Variants in LHFPL2 observed in about 807,000 individuals in gnomAD.
The protein encoded by LHFPL2 is LHFPL tetraspan subfamily member 2.
LHFPL2 carries 7 observed loss-of-function variants against 17.5 expected under a neutral mutation model. The ratio of observed to expected loss-of-function variants is 0.40; its 90% confidence interval spans 0.23 to 0.75. The LOEUF is 0.75. LHFPL2 is among the 30% of genes least tolerant of loss of function. The probability of loss-of-function intolerance (pLI) is 0.37; values close to 1 mark genes in which losing one functional copy is unlikely to be tolerated. For synonymous variants in LHFPL2, 134 were observed against 116.2 expected, an observed-to-expected ratio of 1.15 and a Z score of -0.99; for missense variants, 241 against 294.8, an observed-to-expected ratio of 0.82 and a Z score of 1.34.
rs149690287 is a variant in LHFPL2 at position 78,488,441 on chromosome 5, G to A, written c.*456C>T. 2.7e-3 allele frequency: 554 copies of A among 202,336 alleles called. 3 individuals carry two copies. The highest frequency in any genetic ancestry group is 0.012 in the African/African-American group (522 of 43,448). 12.5% of individuals were successfully genotyped at this position (202,336 alleles called of 1,614,324 possible). On this transcript the variant is annotated 3_prime_UTR_variant, in exon 5 of 5. Transcript: ENST00000380345. ...CCAGTAAGTTTATAGTTTTCTGTTC[G>A]TTGGAGACAACTTGAAAGAACAGAG... is the stretch of plus-strand genomic sequence containing the variant.
At chr5:78,501,161 C>A (rs1383580153) in intron 4 of LHFPL2, among the ~76,000 whole-genome samples, 1 of 151,986 alleles carries the variant, frequency 6.6e-6, no homozygotes, top group Non-Finnish European at 1.5e-5. Flanking sequence ...GTTGGGAGGG[C>A]AACATTTTTT....
chr5:78,604,287 G>T (rs927745761), intron 2 of LHFPL2, among the ~76,000 whole-genome samples: 2 of 149,560 alleles, frequency 1.3e-5, no homozygotes, highest in African/African-American at 5.0e-5. Flanking sequence ...ACACCAGCCT[G>T]GCCAACATGG....
intron 2 of LHFPL2, among the ~76,000 whole-genome samples, chr5:78,610,137 C>T (rs1267160551): frequency 6.6e-6 from 1 of 152,110 alleles, no homozygotes; most frequent in East Asian, 1.9e-4. Context: ...CAAGTCACCC[C>T]ACCCCAGGCA....
chr5:78,579,246 G>T (rs940388984), intron 2 of LHFPL2, among the ~76,000 whole-genome samples: 1 of 152,038 alleles, frequency 6.6e-6, no homozygotes, highest in Admixed American at 6.6e-5. Context: ...GAGGGAGGGG[G>T]AGCAGGAGAG....
At chr5:78,535,714 C>T (rs568167244) in intron 3 of LHFPL2, among the ~76,000 whole-genome samples, 1 of 152,316 alleles carries the variant, frequency 6.6e-6, no homozygotes, top group African/African-American at 2.4e-5. Flanking sequence ...CTCTGGAGCT[C>T]CTATCTAGCC....
chr5:78,645,540 G>GCATACA (rs200179016), intron 1 of LHFPL2, among the ~76,000 whole-genome samples: 7,165 of 86,110 alleles, frequency 0.083, 235 homozygotes, highest in Admixed American at 0.15. Flanking sequence ...ACAGACAGAT[G>GCATACA]CATACACACA....
intron 2 of LHFPL2, among the ~76,000 whole-genome samples, chr5:78,597,160 A>T (rs1164985291): frequency 2.0e-5 from 3 of 152,186 alleles, no homozygotes; most frequent in African/African-American, 7.2e-5. Context: ...GGTGCAGTGG[A>T]AACAGCCCAC....
In LHFPL2 at chr5:78,622,269, G is replaced by A. The variant is rs915405080; in HGVS notation, c.-245+9995C>T. Among the ~76,000 whole-genome samples, 19 of 152,102 alleles carry A rather than the reference G, an allele frequency of 1.2e-4. 1 individual carries two copies. The highest frequency in any genetic ancestry group is 1.2e-3 in the Admixed American group (18 of 15,268). The stretch of plus-strand genomic sequence containing the variant: ...AACGCTCTGAGCACCTTGGCTGAGG[G>A]GCAACAATTAGGGAGAAACTTTCAG... On this transcript the variant is annotated intron_variant, in intron 2 of 4. Coordinates refer to ENST00000380345, the MANE Select transcript of LHFPL2 (RefSeq NM_005779.3).
At chr5:78,559,847 A>AAGCC (rs1464352585) in intron 3 of LHFPL2, among the ~76,000 whole-genome samples, 1 of 152,232 alleles carries the variant, frequency 6.6e-6, no homozygotes, top group East Asian at 1.9e-4. Flanking sequence ...GTGCAAGGAA[A>AAGCC]AGCCACCTTT....
intron 4 of LHFPL2, among the ~76,000 whole-genome samples, chr5:78,493,623 A>G (rs1754517133): frequency 6.6e-6 from 1 of 152,200 alleles, no homozygotes. Context: ...TTTCTAAACC[A>G]TAGTGCCCAT....
chr5:78,584,995 G>GT (rs1163195083), intron 2 of LHFPL2, among the ~76,000 whole-genome samples: 1,402 of 40,522 alleles, frequency 0.035, 436 homozygotes, highest in Non-Finnish European at 0.047. Context: ...GGTGCGCTGT[G>GT]TTTTTTTTTT....
At chr5:78,640,883 T>G (rs1017183706) in intron 1 of LHFPL2, among the ~76,000 whole-genome samples, 1 of 152,178 alleles carries the variant, frequency 6.6e-6, no homozygotes, top group African/African-American at 2.4e-5. Context: ...TGGGGCCTGC[T>G]TGGCACACTC....
At chr5:78,499,138 T>C (rs1754695830) in intron 4 of LHFPL2, among the ~76,000 whole-genome samples, 1 of 152,184 alleles carries the variant, frequency 6.6e-6, no homozygotes, top group Non-Finnish European at 1.5e-5. Flanking sequence ...AGGTCTTCTA[T>C]AGTAAAAATG....
At chr5:78,612,487 TA>T (rs1174302558) in intron 2 of LHFPL2, among the ~76,000 whole-genome samples, 3 of 152,142 alleles carry the variant, frequency 2.0e-5, no homozygotes, top group Non-Finnish European at 4.4e-5. Context: ...AATAACCCCA[TA>T]AAGAGAGGAG....
At chr5:78,515,602 C>G (rs1206087042) in intron 3 of LHFPL2, among the ~76,000 whole-genome samples, 1 of 152,192 alleles carries the variant, frequency 6.6e-6, no homozygotes, top group Non-Finnish European at 1.5e-5. Context: ...TGGAAAGACC[C>G]TCCAGAGTGT....
At chr5:78,540,471 C>T (rs1229370148) in intron 3 of LHFPL2, among the ~76,000 whole-genome samples, 1 of 152,226 alleles carries the variant, frequency 6.6e-6, no homozygotes, top group African/African-American at 2.4e-5. Context: ...GCCTCAGATC[C>T]TGGCCTCAGC....
In LHFPL2 at chr5:78,619,501, T is replaced by A. The variant is rs187835824; in HGVS notation, c.-245+12763A>T. Among the ~76,000 whole-genome samples, 409 of 147,788 alleles carry A rather than the reference T, an allele frequency of 2.8e-3. 2 individuals are homozygous for A. Among genetic ancestry groups the A allele is most frequent in the African/African-American group, 8.4e-3 (333 of 39,792 alleles). On this transcript the variant is annotated intron_variant, in intron 2 of 4. Transcript: ENST00000380345. The stretch of plus-strand genomic sequence containing the variant: ...AGTTTTTATTTATATATATATATAT[T>A]TATTTTATTATTATTATACTTTAAG...
intron 4 of LHFPL2, among the ~76,000 whole-genome samples, chr5:78,503,534 T>C (rs1754837183): frequency 6.6e-6 from 1 of 152,064 alleles, no homozygotes; most frequent in Non-Finnish European, 1.5e-5. Context: ...CCGTCTCTAC[T>C]AAAAATACCA....
chr5:78,581,536 T>G (rs1743139522), intron 2 of LHFPL2, among the ~76,000 whole-genome samples: 1 of 152,216 alleles, frequency 6.6e-6, no homozygotes, highest in Non-Finnish European at 1.5e-5. Context: ...TTTCTGCATC[T>G]ACTGAGATAA....
Sources: allele counts gnomAD v4.1 joint callset (sites outside exome capture counted in the v4.1 genomes callset), GRCh38; gene constraint gnomAD v4.1.1; transcripts MANE v1.5; gene names NCBI Gene and HGNC (gene_info 2026-07-23, HGNC 2026-07-21).